Variants in BCAR1 observed in about 807,000 individuals in gnomAD.
BCAR1 encodes breast cancer anti-estrogen resistance protein 1.
A neutral mutation model predicts 67.6 loss-of-function variants in BCAR1; 30 were observed. The observed-to-expected ratio is 0.44, with a 90% CI of 0.33 to 0.60. The LOEUF is 0.60. BCAR1 is among the 20% of genes least tolerant of loss of function. The probability of loss-of-function intolerance (pLI) is 0.02; values close to 1 mark genes in which losing one functional copy is unlikely to be tolerated. For synonymous variants in BCAR1, 626 were observed against 556.7 expected, an observed-to-expected ratio of 1.12 and a Z score of -1.75; for missense variants, 1,313 against 1,222.3, an observed-to-expected ratio of 1.07 and a Z score of -1.11.
chr16:75,253,492 G>C (rs1317380290), upstream of BCAR1, among the ~76,000 whole-genome samples: 1 of 152,148 alleles, frequency 6.6e-6, no homozygotes, highest in Non-Finnish European at 1.5e-5. Flanking sequence ...GAGAGGAGGT[G>C]GATGGCTGGA....
chr16:75,249,601 CT>C (rs1416316818), intron 1 of BCAR1: 2 of 152,318 alleles, frequency 1.3e-5, no homozygotes, highest in Non-Finnish European at 1.5e-5. Context: ...AGAAGCCCCC[CT>C]GGAGCGCACC....
At chr16:75,231,114 T>A (rs1195197152) in intron 6 of BCAR1, among the ~76,000 whole-genome samples, 3 of 151,776 alleles carry the variant, frequency 2.0e-5, no homozygotes, top group Non-Finnish European at 2.9e-5. Flanking sequence ...TTTTTTTTTT[T>A]TAAATGGAGT....
Position 75,237,320 on chromosome 16 carries a change from GC to G in BCAR1, c.657del (p.Gln220ArgfsTer93). Reference protein sequence around the residue: ...PAKVVVPTRVGQGYVYEAAQP... With the variant: ...PAKVVVPTRVXQGYVYEAAQP... ...TGGGCGGCCTCGTATACATAGCCCT[GC>G]CCCACGCGGGTGGGCACCACCACCT... On this transcript the variant is annotated frameshift_variant, in exon 3 of 7. Transcript: ENST00000162330. LOFTEE classifies it high-confidence loss of function. 6.7e-7 allele frequency: 1 copy of G among 1,484,326 alleles called. No individual in the cohort carries two copies. Among genetic ancestry groups the G allele is most frequent in the Non-Finnish European group, 8.9e-7 (1 of 1,119,808 alleles). 91.9% of individuals were successfully genotyped at this position (1,484,326 alleles called of 1,614,324 possible).
upstream of BCAR1, among the ~76,000 whole-genome samples, chr16:75,252,959 A>G (rs1252551150): frequency 6.6e-6 from 1 of 152,180 alleles, no homozygotes; most frequent in Non-Finnish European, 1.5e-5. Context: ...AAAAAACTGG[A>G]CGTCTGCATT....
At chr16:75,251,206 T>C (rs941799666) in intron 1 of BCAR1, among the ~76,000 whole-genome samples, 3 of 151,666 alleles carry the variant, frequency 2.0e-5, no homozygotes, top group Admixed American at 2.0e-4. Flanking sequence ...CGCCAGCCAC[T>C]TTCCCGACAC....
At chr16:75,254,600 T>C (rs1310945086), upstream of BCAR1, among the ~76,000 whole-genome samples, 1 of 152,070 alleles carries the variant, frequency 6.6e-6, no homozygotes, top group African/African-American at 2.4e-5. Context: ...ATACACACAG[T>C]GGGACTGGCA....
At chr16:75,237,367 A>G in intron 2 of BCAR1, 23 bp from the exon 3 acceptor site, 4 of 1,447,604 alleles carry the variant, frequency 2.8e-6, no homozygotes, top group Non-Finnish European at 3.6e-6. Context: ...AGCCGACTTC[A>G]CTGCTGCCCT....
At chr16:75,261,820 C>T (rs1045064533) in intron 1 of BCAR1, among the ~76,000 whole-genome samples, 1 of 152,222 alleles carries the variant, frequency 6.6e-6, no homozygotes, top group Non-Finnish European at 1.5e-5. Context: ...GGGTCCAGCC[C>T]AGCCTCCTCC....
At chr16:75,267,800 A>G (rs2078029220) in intron 1 of BCAR1, 2 of 1,123,884 alleles carry the variant, frequency 1.8e-6, no homozygotes, top group African/African-American at 3.1e-5. Flanking sequence ...ATGGAGCTGG[A>G]CCCTCCAATC....
At chr16:75,252,514 G>A (rs2077702279), upstream of BCAR1, 3 of 1,091,524 alleles carry the variant, frequency 2.7e-6, no homozygotes, top group East Asian at 5.8e-5. Flanking sequence ...GTCACCCCAT[G>A]CAGCAGAACC....
At chr16:75,267,402 G>T (rs78671204) in intron 1 of BCAR1, among the ~76,000 whole-genome samples, 5 of 145,654 alleles carry the variant, frequency 3.4e-5, no homozygotes, top group Admixed American at 6.7e-5. Flanking sequence ...GCCGGGGGGG[G>T]GGTGGGGGGC....
At chr16:75,243,763 T>C (rs974251963) in intron 1 of BCAR1, among the ~76,000 whole-genome samples, 3 of 152,172 alleles carry the variant, frequency 2.0e-5, no homozygotes, top group African/African-American at 4.8e-5. Context: ...TGGAGGAGGC[T>C]GTGGGATCAG....
chr16:75,259,091 C>T (rs75023098), intron 1 of BCAR1, among the ~76,000 whole-genome samples: 7,835 of 152,256 alleles, frequency 0.051, 666 homozygotes, highest in African/African-American at 0.18. Context: ...ACTCTACAGC[C>T]TAAGACACTT....
At chr16:75,238,978 G>A in intron 2 of BCAR1, 1 of 985,404 alleles carries the variant, frequency 1.0e-6, no homozygotes, top group Non-Finnish European at 1.2e-6. Flanking sequence ...CCCTGCCGGT[G>A]GCCATCCCAA....
chr16:75,245,923 TC>T (rs1167058109), intron 1 of BCAR1: 1 of 148,670 alleles, frequency 6.7e-6, no homozygotes, highest in Admixed American at 6.8e-5. Context: ...AGCATCTAGA[TC>T]CTCTCTGCTG....
intron 1 of BCAR1, chr16:75,243,608 T>A (rs1463829153): frequency 4.6e-6 from 2 of 434,364 alleles, no homozygotes; most frequent in Admixed American, 2.6e-5. Context: ...GTAATTAATT[T>A]AGAAACTTCA....
intron 6 of BCAR1, among the ~76,000 whole-genome samples, chr16:75,230,312 G>A (rs943962628): frequency 5.9e-5 from 9 of 152,106 alleles, no homozygotes; most frequent in Admixed American, 1.3e-4. Context: ...GCCTGGGGTC[G>A]GGGGGTCACC....
intron 1 of BCAR1, chr16:75,266,857 C>A: frequency 8.4e-7 from 1 of 1,189,964 alleles, no homozygotes; most frequent in Non-Finnish European, 1.1e-6. Context: ...AAGACGGAGC[C>A]AGCTCCATGA....
chr16:75,263,438 C>A lies in BCAR1; in HGVS notation c.66+4477G>T, dbSNP rs771336020. 5 of 985,182 alleles carry A rather than the reference C, an allele frequency of 5.1e-6. No individual in the cohort carries two copies. The African/African-American group carries it at 8.7e-5, about 17-fold the overall frequency. The allele number at this position is 985,182 out of a possible 1,614,324, so 61.0% of individuals were successfully genotyped here. On this transcript the variant is annotated intron_variant, in intron 1 of 6. Coordinates refer to the BCAR1 transcript ENST00000393422. ...ACCCACAGGGTGTCCAGGCAGCACACGAGCACTGCACTGCTCTATGCCTGG... is the reference window on the plus strand; with the variant it reads ...ACCCACAGGGTGTCCAGGCAGCACAAGAGCACTGCACTGCTCTATGCCTGG...
Sources: gnomAD v4.1 joint callset for allele counts (sites outside exome capture counted in the v4.1 genomes callset) on GRCh38, gnomAD v4.1.1 for gene constraint, MANE v1.5 for transcripts, NCBI Gene and HGNC (gene_info 2026-07-23, HGNC 2026-07-21) for gene names.